SLC25A18: variants seen among roughly 807,000 people sequenced by gnomAD.
SLC25A18 encodes the protein mitochondrial glutamate carrier 2.
A neutral mutation model predicts 31.1 loss-of-function variants in SLC25A18; 24 were observed. The observed-to-expected ratio is 0.77, with a 90% confidence interval of 0.56 to 1.08. The LOEUF (loss-of-function observed/expected upper bound fraction) is 1.08, where lower values mean the gene tolerates loss of function less well. Among genes scored for constraint, SLC25A18 ranks in the 50% least tolerant of loss-of-function variants. The pLI is 0.00. For missense variants in SLC25A18, 371 were observed against 418.5 expected, an observed-to-expected ratio of 0.89 and a Z score of 0.99; for synonymous variants, 173 against 161.9, an observed-to-expected ratio of 1.07 and a Z score of -0.52.
chr22:17,590,487 C>T lies in SLC25A18; in HGVS notation c.*251C>T, dbSNP rs2146288080. The T allele has an allele frequency of 2.5e-6, 1 of 402,702 alleles. No homozygotes were observed. Among genetic ancestry groups the T allele is most frequent in the Non-Finnish European group, 4.5e-6 (1 of 224,602 alleles). 24.9% of individuals were successfully genotyped at this position (402,702 alleles called of 1,614,324 possible). Reference sequence around the variant, plus strand: ...GCTTTTGGAAGCCCCTAACCACCTACTTTTCAACAAAAATGGTACTTTCGT... The same window carrying T: ...GCTTTTGGAAGCCCCTAACCACCTATTTTTCAACAAAAATGGTACTTTCGT... On this transcript the variant is annotated 3_prime_UTR_variant, in exon 11 of 11. Transcript: ENST00000327451.
At chr22:17,570,967 A>G (rs2057071993) in intron 2 of SLC25A18, among the ~76,000 whole-genome samples, 1 of 152,242 alleles carries the variant, frequency 6.6e-6, no homozygotes, top group Non-Finnish European at 1.5e-5. Flanking sequence ...CTGAAGCCCA[A>G]AGAACAGTTT....
At chr22:17,578,702 G>A (rs781084504) in intron 2 of SLC25A18, among the ~76,000 whole-genome samples, 18 of 152,176 alleles carry the variant, frequency 1.2e-4, no homozygotes, top group Admixed American at 1.0e-3. Context: ...AGCCTGAGGC[G>A]AGTGGATCAC....
chr22:17,584,163 G>A, intron 7 of SLC25A18: 1 of 735,858 alleles, frequency 1.4e-6, no homozygotes, highest in Non-Finnish European at 1.7e-6. Context: ...GGAGGCCGAG[G>A]CGGGCGGATT....
chr22:17,566,044 C>T (rs576145144), intron 1 of SLC25A18, among the ~76,000 whole-genome samples: 6 of 152,250 alleles, frequency 3.9e-5, no homozygotes, highest in African/African-American at 1.2e-4. Context: ...CCATGGCTGC[C>T]GTGTTTTACA....
At chr22:17,589,739 A>G (rs1172195905) in intron 10 of SLC25A18, 74 bp downstream of exon 10, 6 of 1,396,072 alleles carry the variant, frequency 4.3e-6, no homozygotes, top group East Asian at 2.3e-5. Context: ...GACCAGATTT[A>G]GAGACCAACT....
rs1447413084 is a variant in SLC25A18, at chr22:17,583,637, A to G, written c.409+103A>G. 5 of 1,463,556 alleles carry G rather than the reference A, an allele frequency of 3.4e-6. No homozygotes were observed. The African/African-American group carries it at 7.0e-5, about 21-fold the overall frequency. The allele number at this position is 1,463,556 out of a possible 1,614,324, so 90.7% of individuals were successfully genotyped here. A position where few individuals can be genotyped will look rare whatever the true frequency, so the allele number is the denominator to read the frequency against. ...ATTTGCTAGGCTGTGTGACCAGTCA[A>G]CTTTCCAAGCAGGTAGAAGTTTTTG... On this transcript the variant is annotated intron_variant, in intron 7 of 10. Coordinates refer to ENST00000327451, the MANE Select transcript of SLC25A18 (RefSeq NM_031481.3).
rs199551666 is a variant in SLC25A18, at chr22:17,590,261, C to T, written c.*25C>T. Reference sequence around the variant, plus strand: ...GACAGAGCTGGAGGTCAAGTCCCTGCGCTTGCCGCCCTCTCTCTAGCTGTT... The same window carrying T: ...GACAGAGCTGGAGGTCAAGTCCCTGTGCTTGCCGCCCTCTCTCTAGCTGTT... On this transcript the variant is annotated 3_prime_UTR_variant, in exon 11 of 11. Coordinates refer to ENST00000327451, the MANE Select transcript of SLC25A18 (RefSeq NM_031481.3). 12 of 1,613,628 alleles carry T rather than the reference C, an allele frequency of 7.4e-6. No individual in the cohort carries two copies. The highest frequency in any genetic ancestry group is 4.5e-5 in the East Asian group (2 of 44,876).
rs1367019496 is a variant in SLC25A18 at position 17,588,063 on chromosome 22, A to G, written c.714A>G (p.Ala238=). The G allele has an allele frequency of 4.3e-6, 7 of 1,613,998 alleles. No homozygotes were observed. The highest frequency in any genetic ancestry group is 2.2e-5 in the East Asian group (1 of 44,890). The change falls in exon 9 of 11, where the codon GCA becomes GCG. Residue 238 remains alanine (A), a synonymous_variant. Coordinates refer to ENST00000327451, the MANE Select transcript of SLC25A18 (RefSeq NM_031481.3). ...TGGCAGGTTCCATAGCTGCGGTCGC[A>G]GTGACGCCTCTAGATGGTAAGGAGT... The part of the protein sequence containing the change: ...GCVAGSIAAV[A]VTPLDVLKTR...
intron 7 of SLC25A18, among the ~76,000 whole-genome samples, chr22:17,585,654 T>TA (rs1601338261): frequency 0.013 from 1,830 of 142,098 alleles, 29 homozygotes; most frequent in African/African-American, 0.037. Flanking sequence ...ATTATTATTT[T>TA]TTTTTTTTTT....
chr22:17,582,034 T>A (rs2057388918), intron 5 of SLC25A18: 1 of 153,434 alleles, frequency 6.5e-6, no homozygotes, highest in African/African-American at 2.4e-5. Flanking sequence ...AATGGCTTCC[T>A]GATAACCAAA....
chr22:17,563,662 G>T lies in SLC25A18; in HGVS notation c.-315G>T. 2 of 985,394 alleles carry T rather than the reference G, an allele frequency of 2.0e-6. No individual in the cohort carries two copies. The highest frequency in any genetic ancestry group is 2.4e-6 in the Non-Finnish European group (2 of 829,922). The allele number at this position is 985,394 out of a possible 1,614,324, so 61.0% of individuals were successfully genotyped here. A position where few individuals can be genotyped will look rare whatever the true frequency, so the allele number is the denominator to read the frequency against. ...AAGAGTCGAGTGAAGCCTGGCCCGT[G>T]AGTGCCTCAACAACTGAGATGAACG... is the stretch of plus-strand genomic sequence containing the variant. On this transcript the variant is annotated 5_prime_UTR_variant, in exon 1 of 11. Transcript: ENST00000327451.
rs2057675616 is a variant in SLC25A18 at position 17,590,078 on chromosome 22, CTCT to C, written c.807-12_807-10del. Reference sequence around the variant, plus strand: ...ATGCCCCTGCCCATCAGCTCACTGGCTCTTCTTTCTCCCCAGGAAACTCTGGAT... The same window carrying C: ...ATGCCCCTGCCCATCAGCTCACTGGCTCTTTCTCCCCAGGAAACTCTGGAT... On this transcript the variant is annotated splice_polypyrimidine_tract_variant and intron_variant, in intron 10 of 10. Coordinates refer to ENST00000327451, the MANE Select transcript of SLC25A18 (RefSeq NM_031481.3). 1.3e-5 allele frequency: 21 copies of C among 1,613,580 alleles called. No individual in the cohort carries two copies. The highest frequency in any genetic ancestry group is 1.6e-5 in the Non-Finnish European group (19 of 1,180,030).
intron 2 of SLC25A18, among the ~76,000 whole-genome samples, chr22:17,572,798 C>T (rs932261593): frequency 8.0e-5 from 12 of 150,446 alleles, no homozygotes; most frequent in South Asian, 2.1e-4. Flanking sequence ...CCCGCCACCA[C>T]GCCCGGCTAA....
intron 3 of SLC25A18, chr22:17,580,778 C>T (rs2057350647): frequency 2.4e-6 from 3 of 1,235,350 alleles, no homozygotes; most frequent in Non-Finnish European, 3.0e-6. Context: ...CCCATGGGGG[C>T]AGAGCTGGGC....
chr22:17,590,035 CTG>C (rs2146286688), intron 10 of SLC25A18, 58 bp from the exon 11 acceptor site: 1 of 1,605,068 alleles, frequency 6.2e-7, no homozygotes, highest in South Asian at 1.1e-5. Flanking sequence ...GAGGCTGCCA[CTG>C]AGGGCTGCTT....
chr22:17,579,461 C>T (rs150979087), intron 2 of SLC25A18, among the ~76,000 whole-genome samples: 21 of 152,278 alleles, frequency 1.4e-4, no homozygotes, highest in African/African-American at 4.8e-4. Context: ...TCTTAAAATC[C>T]TTTCCATCCC....
intron 7 of SLC25A18, chr22:17,584,210 G>A (rs1180046645): frequency 1.8e-5 from 5 of 282,680 alleles, no homozygotes; most frequent in Admixed American, 6.6e-5. Flanking sequence ...TGGCTAACAC[G>A]GTGAAACCCC....
intron 5 of SLC25A18, chr22:17,581,685 A>G (rs1002194714): frequency 2.5e-5 from 12 of 488,312 alleles, no homozygotes; most frequent in Non-Finnish European, 3.7e-5. Flanking sequence ...GCTAGAAGCG[A>G]AGAGAGAGAG....
chr22:17,587,520 A>G (rs1462927408), intron 8 of SLC25A18, among the ~76,000 whole-genome samples: 1 of 152,196 alleles, frequency 6.6e-6, no homozygotes, highest in Non-Finnish European at 1.5e-5. Flanking sequence ...AGTGATGACC[A>G]GGCCCACAGG....
Sources: allele counts gnomAD v4.1 joint callset (sites outside exome capture counted in the v4.1 genomes callset), GRCh38; gene constraint gnomAD v4.1.1; transcripts MANE v1.5; gene names NCBI Gene and HGNC (gene_info 2026-07-23, HGNC 2026-07-21).